NFYB: variants seen among roughly 807,000 people sequenced by gnomAD.
The protein encoded by NFYB is nuclear transcription factor Y subunit beta, also known as CAAT box DNA-binding protein subunit B.
Under a neutral mutation model 28.0 loss-of-function variants are expected in NFYB, and 13 were observed. That is an observed-to-expected ratio of 0.46 (90% CI 0.30 to 0.74). The LOEUF (loss-of-function observed/expected upper bound fraction) is 0.74. Ranked by LOEUF, NFYB falls within the 30% of genes least tolerant of loss-of-function variation. The pLI is 0.07. For synonymous variants in NFYB, 74 were observed against 75.0 expected (o/e 0.99, Z 0.07); for missense variants, 142 against 247.6 (o/e 0.57, Z 2.86).
At chr12:104,120,610 A>G in intron 6 of NFYB, 131 bp from the exon 7 acceptor site, 1 of 637,562 alleles carries the variant, frequency 1.6e-6, no homozygotes, top group South Asian at 1.9e-5. Context: ...TGGACAAAAT[A>G]ATAAATCCTC....
chr12:104,121,804 A>G (rs1202602134), intron 5 of NFYB, among the ~76,000 whole-genome samples: 1 of 152,218 alleles, frequency 6.6e-6, no homozygotes, highest in African/African-American at 2.4e-5. Flanking sequence ...CTGTAAAAAT[A>G]ATGTCAGGAA....
chr12:104,126,299 T>G (rs994525037), intron 3 of NFYB, 55 bp from the exon 4 acceptor site: 5 of 1,311,126 alleles, frequency 3.8e-6, no homozygotes, highest in South Asian at 1.8e-5. Context: ...TATTTCAAGA[T>G]AGAAAAAACT....
chr12:104,136,672 A>G lies in NFYB; in HGVS notation c.-79-1140T>C, dbSNP rs559378621. On this transcript the variant is annotated intron_variant, in intron 1 of 7. Coordinates refer to ENST00000240055, the MANE Select transcript of NFYB (RefSeq NM_006166.4). ...TGGAATGGGAGAGGGGGGTGTGGGC[A>G]GGGAGTCATACCACACCACACTCAC... is the stretch of plus-strand genomic sequence containing the variant. Among the ~76,000 whole-genome samples the G allele has an allele frequency of 9.2e-5, 14 of 152,290 alleles. No homozygotes were observed. The South Asian group carries it at 2.5e-3, about 27-fold the overall frequency.
chr12:104,119,721 C>T lies in NFYB; in HGVS notation c.*16G>A. The T allele has an allele frequency of 6.3e-7, 1 of 1,590,656 alleles. No homozygotes were observed. The highest frequency in any genetic ancestry group is 8.6e-7 in the Non-Finnish European group (1 of 1,159,968). On this transcript the variant is annotated 3_prime_UTR_variant, in exon 8 of 8. Transcript: ENST00000240055. Reference sequence around the variant, plus strand: ...CTCTCATTTCTCTACACTCCCCATTCCATCATTTCTTCAGATCATGAAAAC... The same window carrying T: ...CTCTCATTTCTCTACACTCCCCATTTCATCATTTCTTCAGATCATGAAAAC...
Position 104,128,515 on chromosome 12 carries a change from C to A in NFYB, c.9G>T (p.Met3Ile). 1 of 1,608,964 alleles carries A rather than the reference C, an allele frequency of 6.2e-7. No individual in the cohort carries two copies. The highest frequency in any genetic ancestry group is 1.1e-5 in the South Asian group (1 of 90,628). Reference sequence around the variant, plus strand: ...CATCTGTTGTAGAACTGTCACCATCCATCTATGAGGAGAAAAACAGTTTTT... The same window carrying A: ...CATCTGTTGTAGAACTGTCACCATCAATCTATGAGGAGAAAAACAGTTTTT... MT[M>I]DGDSSTTDAS... Residue 3 changes from methionine to isoleucine, a missense_variant and splice_region_variant, in exon 3 of 8, where the codon ATG becomes ATT. Met to Ile is a conservative substitution (Grantham distance 10, BLOSUM62 1). Around this residue, in one of 2 missense-constraint regions of NFYB, gnomAD observed 54 missense variants for 58.1 expected, o/e 0.93. Transcript: ENST00000240055.
chr12:104,126,549 T>C (rs2030722275), intron 3 of NFYB, among the ~76,000 whole-genome samples: 1 of 152,222 alleles, frequency 6.6e-6, no homozygotes, highest in Non-Finnish European at 1.5e-5. Flanking sequence ...ATCTTTTCTT[T>C]CATAAAATGT....
At chr12:104,123,844 G>A (rs2030577968) in intron 4 of NFYB, among the ~76,000 whole-genome samples, 1 of 152,010 alleles carries the variant, frequency 6.6e-6, no homozygotes, top group Non-Finnish European at 1.5e-5. Context: ...GCCTGTAATT[G>A]CTGCTACTCA....
chr12:104,126,147 C>A lies in NFYB; in HGVS notation c.198G>T (p.Arg66Ser). 1 of 1,598,704 alleles carries A rather than the reference C, an allele frequency of 6.3e-7. No individual in the cohort carries two copies. Among genetic ancestry groups the A allele is most frequent in the South Asian group, 1.2e-5 (1 of 86,624 alleles). Residue 66 changes from arginine (R) to serine (S), a missense_variant, in exon 4 of 8, where the codon AGG (arginine) becomes AGT (serine). Physicochemically the swap from Arg to Ser is moderately radical, Grantham distance 110. This residue lies in a region of NFYB where 88 missense variants were observed against 189.5 expected (regional missense o/e 0.46). Coordinates refer to ENST00000240055, the MANE Select transcript of NFYB (RefSeq NM_006166.4). ...DIYLPIANVA[R>S]IMKNAIPQTG... Reference sequence around the variant, plus strand: ...TTTGAGGTATGGCATTTTTCATTATCCTAGCCACGTTTGCTATTGGAAGAT... The same window carrying A: ...TTTGAGGTATGGCATTTTTCATTATACTAGCCACGTTTGCTATTGGAAGAT...
chr12:104,117,304 T>TA lies in NFYB; in HGVS notation c.*2432dup, dbSNP rs2030301971. 1 of 152,146 alleles carries TA rather than the reference T, an allele frequency of 6.6e-6. No individual in the cohort carries two copies. Among genetic ancestry groups the TA allele is most frequent in the Non-Finnish European group, 1.5e-5 (1 of 68,018 alleles). The allele number at this position is 152,146 out of a possible 1,614,324, so 9.4% of individuals were successfully genotyped here. ...GAAGTCCAACAATGAAGTCAATACA[T>TA]AAAAAAGGTGACCTGATTTTACCTG... On this transcript the variant is annotated 3_prime_UTR_variant, in exon 8 of 8. Coordinates refer to ENST00000240055, the MANE Select transcript of NFYB (RefSeq NM_006166.4).
At chr12:104,131,617 G>T (rs2030924140) in intron 2 of NFYB, 1 of 389,438 alleles carries the variant, frequency 2.6e-6, no homozygotes, top group Non-Finnish European at 5.1e-6. Flanking sequence ...ATATAAGAAT[G>T]ATGGAAAAAA....
chr12:104,123,192 A>AG (rs2136650373), intron 5 of NFYB, 34 bp downstream of exon 5: 4 of 1,542,858 alleles, frequency 2.6e-6, no homozygotes, highest in South Asian at 2.4e-5. Flanking sequence ...AAAAAGAAGA[A>AG]AAAAAAAAGC....
Position 104,117,291 on chromosome 12 carries a change from T to C in NFYB, c.*2446A>G, listed in dbSNP as rs1185255509. The C allele has an allele frequency of 6.6e-6, 1 of 152,134 alleles. No homozygotes were observed. Among genetic ancestry groups the C allele is most frequent in the Admixed American group, 6.5e-5 (1 of 15,276 alleles). The allele number at this position is 152,134 out of a possible 1,614,324, so 9.4% of individuals were successfully genotyped here. On this transcript the variant is annotated 3_prime_UTR_variant, in exon 8 of 8. Coordinates refer to ENST00000240055, the MANE Select transcript of NFYB (RefSeq NM_006166.4). Reference sequence around the variant, plus strand: ...CCCATCAGAGTATGAAGTCCAACAATGAAGTCAATACATAAAAAAGGTGAC... The same window carrying C: ...CCCATCAGAGTATGAAGTCCAACAACGAAGTCAATACATAAAAAAGGTGAC...
At chr12:104,137,402 A>G (rs56074043) in intron 1 of NFYB, 22,483 of 152,182 alleles carry the variant, frequency 0.15, 2,045 homozygotes, top group Admixed American at 0.22. Context: ...GGGACCGCAA[A>G]CCGCCAGATG....
chr12:104,130,982 A>G (rs1007741076), intron 2 of NFYB: 3 of 152,202 alleles, frequency 2.0e-5, no homozygotes, highest in Admixed American at 6.5e-5. Flanking sequence ...GAGTGTTTAC[A>G]TGATACCATT....
In NFYB at chr12:104,117,193, C is replaced by CA. The variant is rs1342114725; in HGVS notation, c.*2543dup. On this transcript the variant is annotated 3_prime_UTR_variant, in exon 8 of 8. Coordinates refer to ENST00000240055, the MANE Select transcript of NFYB (RefSeq NM_006166.4). ...TAAATGCAACATGGGCCAAGGAAGA[C>CA]AGAGACCCCAGCTCTGACAAGCATA... 5 of 152,128 alleles carry CA rather than the reference C, an allele frequency of 3.3e-5. No homozygotes were observed. Among genetic ancestry groups the CA allele is most frequent in the Non-Finnish European group, 5.9e-5 (4 of 68,030 alleles). The allele number at this position is 152,128 out of a possible 1,614,324, so 9.4% of individuals were successfully genotyped here.
intron 1 of NFYB, 96 bp from the exon 2 acceptor site, chr12:104,135,628 A>T (rs556000859): frequency 8.5e-6 from 4 of 471,530 alleles, no homozygotes; most frequent in Non-Finnish European, 1.1e-5. Context: ...AAAATTAAAG[A>T]GGGCTTGTAT....
At chr12:104,125,031 A>G (rs2030628740) in intron 4 of NFYB, among the ~76,000 whole-genome samples, 1 of 152,202 alleles carries the variant, frequency 6.6e-6, no homozygotes, top group Non-Finnish European at 1.5e-5. Context: ...CCAAGTGATG[A>G]GCAATGACAA....
Position 104,123,375 on chromosome 12 carries a change from T to G in NFYB, c.280A>C (p.Ile94Leu). 1 of 1,614,138 alleles carries G rather than the reference T, an allele frequency of 6.2e-7. No homozygotes were observed. Among genetic ancestry groups the G allele is most frequent in the East Asian group, 2.2e-5 (1 of 44,852 alleles). The change falls in exon 5 of 8, where the codon ATC becomes CTC. Residue 94 changes from isoleucine (I) to leucine (L), a missense_variant. Ile to Leu is a conservative substitution (Grantham distance 5). Coordinates refer to ENST00000240055, the MANE Select transcript of NFYB (RefSeq NM_006166.4). ...CTTGCTTCAGATGTTATAAAACTGA[T>G]GAACTCACTTACACATTCTTGAACA... ...ECVQECVSEF[I>L]SFITSEASER...
At chr12:104,126,326 A>ATGATTT in intron 3 of NFYB, 82 bp from the exon 4 acceptor site, 1 of 1,062,206 alleles carries the variant, frequency 9.4e-7, no homozygotes, top group Non-Finnish European at 1.3e-6. Context: ...GTGATCCAGA[A>ATGATTT]TAAAATCATT....
Sources: gnomAD v4.1 joint callset for allele counts (sites outside exome capture counted in the v4.1 genomes callset) on GRCh38, gnomAD v4.1.1 for gene constraint, gnomAD v4.1.1 regional missense constraint, MANE v1.5 for transcripts, NCBI Gene and HGNC (gene_info 2026-07-23, HGNC 2026-07-21) for gene names.